The following HDAC9 variants were observed in gnomAD, a reference collection of about 807,000 sequenced individuals.
The protein encoded by HDAC9 is MEF-2 interacting transcription repressor (MITR) protein.
In HDAC9, 41 loss-of-function variants were observed where a neutral mutation model predicts 139.4. The ratio of observed to expected loss-of-function variants is 0.29; its 90% CI spans 0.23 to 0.38. The LOEUF (loss-of-function observed/expected upper bound fraction) is 0.38, where lower values mean the gene tolerates loss of function less well. HDAC9 is among the 10% of genes least tolerant of loss of function. The pLI is 1.00. For missense variants in HDAC9, 1,147 were observed against 1,297.0 expected (o/e 0.88, Z 1.78); for synonymous variants, 517 against 476.2 (o/e 1.09, Z -1.12).
chr7:18,874,549 T>C lies in HDAC9; in HGVS notation c.2756T>C (p.Leu919Ser). 2 of 1,596,180 alleles carry C rather than the reference T, an allele frequency of 1.3e-6. No individual in the cohort carries two copies. The highest frequency in any genetic ancestry group is 1.7e-6 in the Non-Finnish European group (2 of 1,170,404). ...MVLVSAGFDA[L>S]EGHTPPLGGY... is the part of the protein sequence containing the mutation. ...TTAGTATCTGCTGGATTTGATGCAT[T>C]GGAAGGCCACACCCCTCCTCTAGGA... The change falls in exon 22 of 26, where the codon TTG (leucine) becomes TCG (serine). Residue 919 changes from leucine to serine, a missense_variant. Coordinates refer to ENST00000686413, the MANE Select transcript of HDAC9 (RefSeq NM_178425.4).
chr7:18,506,238 A>G (rs1367575615), intron 2 of HDAC9, among the ~76,000 whole-genome samples: 1 of 152,166 alleles, frequency 6.6e-6, no homozygotes, highest in Non-Finnish European at 1.5e-5. Flanking sequence ...CTTGAGAGAA[A>G]AGGGAGAGCT....
At chr7:18,581,809 A>C (rs879333497) in intron 2 of HDAC9, among the ~76,000 whole-genome samples, 19 of 152,204 alleles carry the variant, frequency 1.2e-4, no homozygotes, top group Non-Finnish European at 2.4e-4. Flanking sequence ...CAATTAAGAG[A>C]TCTTACAGGC....
At chr7:18,983,268 T>C (rs574724428) in intron 25 of HDAC9, among the ~76,000 whole-genome samples, 1 of 152,344 alleles carries the variant, frequency 6.6e-6, no homozygotes, top group South Asian at 2.1e-4. Context: ...TGTGGTAACA[T>C]ATGAAAACAT....
chr7:18,862,064 C>T (rs1199396831), intron 21 of HDAC9, among the ~76,000 whole-genome samples: 1 of 152,088 alleles, frequency 6.6e-6, no homozygotes, highest in African/African-American at 2.4e-5. Flanking sequence ...ATAATTTAGC[C>T]CCCAAAATAT....
At chr7:18,949,524 C>G (rs948676826) in intron 23 of HDAC9, 2 of 215,608 alleles carry the variant, frequency 9.3e-6, no homozygotes, top group Non-Finnish European at 2.0e-5. Flanking sequence ...CAGACATTTT[C>G]AAAGTTGCCA....
chr7:18,687,553 T>A lies in HDAC9; in HGVS notation c.1731+21077T>A, dbSNP rs113133979. 2.4e-4 allele frequency among the ~76,000 whole-genome samples: 37 copies of A among 151,916 alleles called. 2 individuals carry two copies. Among genetic ancestry groups the A allele is most frequent in the African/African-American group, 8.9e-4 (37 of 41,528 alleles). ...ATTTTGCATTCTTTTATTTTTCACA[T>A]CTCCGGGTATAGTAGTAGATGCAGG... On this transcript the variant is annotated intron_variant, in intron 12 of 25. Coordinates refer to ENST00000686413, the MANE Select transcript of HDAC9 (RefSeq NM_178425.4).
chr7:18,323,793 G>T (rs1407623218), intron 1 of HDAC9, among the ~76,000 whole-genome samples: 1 of 152,082 alleles, frequency 6.6e-6, no homozygotes, highest in Non-Finnish European at 1.5e-5. Flanking sequence ...TGTTTGGGCT[G>T]CTGTAACAAA....
intron 7 of HDAC9, among the ~76,000 whole-genome samples, chr7:18,631,101 C>G (rs189036566): frequency 6.6e-6 from 1 of 151,950 alleles, no homozygotes; most frequent in Non-Finnish European, 1.5e-5. Context: ...CTTTTTCTTC[C>G]GTACCAAATT....
intron 3 of HDAC9, among the ~76,000 whole-genome samples, chr7:18,585,809 A>T (rs1232549531): frequency 4.6e-5 from 7 of 151,952 alleles, no homozygotes; most frequent in Non-Finnish European, 1.5e-5. Flanking sequence ...GATTTTGTTC[A>T]TTTGCCCCAT....
intron 1 of HDAC9, among the ~76,000 whole-genome samples, chr7:18,316,621 A>G (rs2128630910): frequency 9.2e-6 from 1 of 108,938 alleles, no homozygotes; most frequent in Middle Eastern, 5.4e-3. Context: ...ACATGGCGAA[A>G]CCAGATCTCT....
intron 1 of HDAC9, among the ~76,000 whole-genome samples, chr7:18,386,479 CT>C (rs1349564710): frequency 2.6e-5 from 4 of 152,150 alleles, no homozygotes; most frequent in Non-Finnish European, 5.9e-5. Flanking sequence ...TGTGGCCCCC[CT>C]ATGCATGTTA....
chr7:18,712,039 A>C (rs1324958174), intron 12 of HDAC9, among the ~76,000 whole-genome samples: 1 of 151,966 alleles, frequency 6.6e-6, no homozygotes, highest in Non-Finnish European at 1.5e-5. Context: ...AGTGTGCAGG[A>C]TGAAGGATGT....
chr7:18,219,407 G>C (rs953710724), intron 2 of HDAC9, among the ~76,000 whole-genome samples: 6 of 152,106 alleles, frequency 3.9e-5, no homozygotes, highest in African/African-American at 1.4e-4. Flanking sequence ...CAATTAGTTT[G>C]TTGGTGACTA....
chr7:18,642,074 G>T (rs148882280), intron 8 of HDAC9, among the ~76,000 whole-genome samples: 117 of 152,180 alleles, frequency 7.7e-4, no homozygotes, highest in African/African-American at 2.6e-3. Context: ...AATCCAAGGA[G>T]ATAAGCTAAG....
At chr7:18,114,218 C>T (rs1243256929) in intron 1 of HDAC9, among the ~76,000 whole-genome samples, 1 of 152,218 alleles carries the variant, frequency 6.6e-6, no homozygotes, top group East Asian at 1.9e-4. Context: ...CAGCACAGCA[C>T]TAGCCATGTG....
At position 18,091,868 on chromosome 7, in the gene HDAC9, G is replaced by C. The variant is rs116528537; in HGVS notation, c.-97+4655G>C. On this transcript the variant is annotated intron_variant, in intron 1 of 12. Transcript: ENST00000417496. ...ATTCAGAGGCTGCCCTTAACTCTTA[G>C]AGGCTGCTGTTATTCTTTGCCATGT... Among the ~76,000 whole-genome samples the C allele has an allele frequency of 8.5e-3, 1,296 of 152,320 alleles. 25 individuals are homozygous for C. Among genetic ancestry groups the C allele is most frequent in the African/African-American group, 0.03 (1,227 of 41,564 alleles).
intron 2 of HDAC9, among the ~76,000 whole-genome samples, chr7:18,561,345 A>C (rs1156460488): frequency 6.6e-6 from 1 of 152,214 alleles, no homozygotes; most frequent in Non-Finnish European, 1.5e-5. Flanking sequence ...GATTATCTTC[A>C]TTTCTGAATG....
intron 13 of HDAC9, among the ~76,000 whole-genome samples, chr7:18,728,300 C>T (rs1785722965): frequency 6.6e-6 from 1 of 152,028 alleles, no homozygotes; most frequent in African/African-American, 2.4e-5. Flanking sequence ...GGCTTTTCGA[C>T]CAACCTCTTC....
intron 1 of HDAC9, among the ~76,000 whole-genome samples, chr7:18,433,483 GTC>G (rs1158579075): frequency 1.3e-5 from 2 of 152,046 alleles, no homozygotes; most frequent in Non-Finnish European, 2.9e-5. Context: ...TGATTCTATA[GTC>G]TCTGCCCAAA....
Sources: allele counts gnomAD v4.1 joint callset (sites outside exome capture counted in the v4.1 genomes callset), GRCh38; gene constraint gnomAD v4.1.1; transcripts MANE v1.5; gene names NCBI Gene and HGNC (gene_info 2026-07-23, HGNC 2026-07-21).